SLC9A9: variants seen among roughly 807,000 people sequenced by gnomAD.
SLC9A9 encodes the protein solute carrier family 9 member A9.
In SLC9A9, 62 loss-of-function variants were observed where a neutral mutation model predicts 77.8. That is an observed-to-expected ratio of 0.80 (90% CI 0.65 to 0.98). The LOEUF (loss-of-function observed/expected upper bound fraction) is 0.98, where lower values mean the gene tolerates loss of function less well. SLC9A9 is among the 50% of genes least tolerant of loss of function. The probability of loss-of-function intolerance (pLI) is 0.00; values close to 1 mark genes in which losing one functional copy is unlikely to be tolerated. For synonymous variants in SLC9A9, 320 were observed against 283.5 expected (o/e 1.13, Z -1.29); for missense variants, 775 against 774.9 (o/e 1.00, Z 0.00).
intron 12 of SLC9A9, among the ~76,000 whole-genome samples, chr3:143,444,635 T>C (rs73144788): frequency 0.099 from 15,063 of 152,164 alleles, 1,072 homozygotes; most frequent in East Asian, 0.36. Flanking sequence ...TAATATGTAA[T>C]AATAACAATC....
At chr3:143,705,970 A>T (rs1325669752) in intron 4 of SLC9A9, among the ~76,000 whole-genome samples, 2 of 152,250 alleles carry the variant, frequency 1.3e-5, no homozygotes, top group Non-Finnish European at 2.9e-5. Context: ...GAGAGGTCAG[A>T]TCATATCCAC....
At chr3:143,375,733 CCA>C (rs1188634059) in intron 13 of SLC9A9, among the ~76,000 whole-genome samples, 15 of 152,170 alleles carry the variant, frequency 9.9e-5, no homozygotes, top group Admixed American at 2.6e-4. Flanking sequence ...CAACTGAACC[CCA>C]CAGACTTGTG....
chr3:143,748,285 T>A (rs1005458583), intron 4 of SLC9A9, among the ~76,000 whole-genome samples: 3 of 152,124 alleles, frequency 2.0e-5, no homozygotes, highest in Non-Finnish European at 4.4e-5. Context: ...AAGAGCCTTG[T>A]GGCTAGGTCT....
intron 2 of SLC9A9, among the ~76,000 whole-genome samples, chr3:143,815,627 A>G (rs2008991235): frequency 6.6e-6 from 1 of 151,952 alleles, no homozygotes; most frequent in Non-Finnish European, 1.5e-5. Context: ...GCTCTTTGGG[A>G]GGCTGAGGTG....
At chr3:143,379,514 A>G (rs1476380964) in intron 13 of SLC9A9, among the ~76,000 whole-genome samples, 1 of 152,238 alleles carries the variant, frequency 6.6e-6, no homozygotes, top group African/African-American at 2.4e-5. Context: ...CATTATCATG[A>G]ATAAGAACAC....
intron 4 of SLC9A9, among the ~76,000 whole-genome samples, chr3:143,755,967 A>T (rs903479740): frequency 6.6e-6 from 1 of 152,188 alleles, no homozygotes; most frequent in African/African-American, 2.4e-5. Flanking sequence ...AGAAAAGAAG[A>T]TAAACACTAC....
intron 14 of SLC9A9, among the ~76,000 whole-genome samples, chr3:143,333,227 C>T (rs2031828123): frequency 6.7e-6 from 1 of 150,366 alleles, no homozygotes; most frequent in South Asian, 2.2e-4. Context: ...GTACCAAGAA[C>T]CACCACCTCC....
intron 14 of SLC9A9, among the ~76,000 whole-genome samples, chr3:143,296,334 G>C (rs1320982772): frequency 6.6e-6 from 1 of 152,126 alleles, no homozygotes; most frequent in African/African-American, 2.4e-5. Flanking sequence ...TTTGTGACTG[G>C]CTTATATGAC....
chr3:143,844,713 C>T (rs1448709369), intron 1 of SLC9A9, among the ~76,000 whole-genome samples: 2 of 4,812 alleles, frequency 4.2e-4, no homozygotes, highest in African/African-American at 1.3e-3. Flanking sequence ...CTTTCTTTCT[C>T]TTTCTTTCTT....
intron 4 of SLC9A9, among the ~76,000 whole-genome samples, chr3:143,740,874 T>C (rs890448386): frequency 6.6e-6 from 1 of 152,154 alleles, no homozygotes; most frequent in African/African-American, 2.4e-5. Context: ...GATACTACTA[T>C]TCATGTGTAT....
intron 4 of SLC9A9, among the ~76,000 whole-genome samples, chr3:143,721,705 G>A (rs529339675): frequency 6.2e-4 from 95 of 152,156 alleles, no homozygotes; most frequent in African/African-American, 2.2e-3. Context: ...CACGAGCCTC[G>A]GGCAGAAGTG....
intron 5 of SLC9A9, among the ~76,000 whole-genome samples, chr3:143,688,102 C>A (rs1351923878): frequency 6.7e-6 from 1 of 150,044 alleles, no homozygotes; most frequent in Admixed American, 6.7e-5. Flanking sequence ...TCTCTCTTTT[C>A]CTTTCTTTCT....
At chr3:143,468,920 G>A (rs895596740) in intron 11 of SLC9A9, among the ~76,000 whole-genome samples, 18 of 152,194 alleles carry the variant, frequency 1.2e-4, no homozygotes, top group African/African-American at 3.6e-4. Context: ...CCAGCACTTC[G>A]GGAGGCCGAG....
At chr3:143,734,439 G>A (rs867201827) in intron 4 of SLC9A9, among the ~76,000 whole-genome samples, 20 of 152,182 alleles carry the variant, frequency 1.3e-4, no homozygotes, top group Middle Eastern at 3.4e-3. Context: ...GGAGGTGATA[G>A]GTAAGTAGAC....
At chr3:143,574,047 T>C in intron 8 of SLC9A9, 41 bp downstream of exon 8, 1 of 1,552,588 alleles carries the variant, frequency 6.4e-7, no homozygotes, top group African/African-American at 1.4e-5. Flanking sequence ...GCCACACACA[T>C]ATTCACACAT....
At chr3:143,782,171 TG>T (rs1463926228) in intron 4 of SLC9A9, among the ~76,000 whole-genome samples, 1 of 152,240 alleles carries the variant, frequency 6.6e-6, no homozygotes, top group East Asian at 1.9e-4. Flanking sequence ...TTAATTCATT[TG>T]GTTTAGTTTC....
chr3:143,696,187 T>C (rs185755580), intron 4 of SLC9A9, among the ~76,000 whole-genome samples: 78 of 152,314 alleles, frequency 5.1e-4, no homozygotes, highest in Non-Finnish European at 7.9e-4. Flanking sequence ...TTGTTGCCAT[T>C]ACTTTTGGTG....
intron 14 of SLC9A9, among the ~76,000 whole-genome samples, chr3:143,305,247 G>A (rs541215098): frequency 2.0e-5 from 3 of 152,284 alleles, no homozygotes; most frequent in East Asian, 1.9e-4. Flanking sequence ...CAGGTGACTC[G>A]TGTTCCCTCC....
At chr3:143,464,462 T>C (rs2035251157) in intron 12 of SLC9A9, among the ~76,000 whole-genome samples, 1 of 152,236 alleles carries the variant, frequency 6.6e-6, no homozygotes, top group Non-Finnish European at 1.5e-5. Context: ...TATTCTATTA[T>C]GTCCTATTTC....
Sources: allele counts gnomAD v4.1 joint callset (sites outside exome capture counted in the v4.1 genomes callset), GRCh38; gene constraint gnomAD v4.1.1; transcripts MANE v1.5; gene names NCBI Gene and HGNC (gene_info 2026-07-23, HGNC 2026-07-21).